The following TCL1A variants were observed in gnomAD, a reference collection of about 807,000 sequenced individuals.
TCL1A encodes the protein T-cell leukemia/lymphoma protein 1A.
A neutral mutation model predicts 16.9 loss-of-function variants in TCL1A; 9 were observed. The observed-to-expected ratio is 0.53, with a 90% CI of 0.32 to 0.93. The LOEUF is 0.93. TCL1A is among the 40% of genes least tolerant of loss of function. The pLI is 0.04. For synonymous variants in TCL1A, 69 were observed against 63.2 expected (o/e 1.09, Z -0.44); for missense variants, 139 against 153.0 (o/e 0.91, Z 0.48).
chr14:95,712,873 G>T, intron 1 of TCL1A: 1 of 336,564 alleles, frequency 3.0e-6, no homozygotes, highest in Non-Finnish European at 5.7e-6. Flanking sequence ...GTTTGCTAGT[G>T]GGTTATTTTT....
chr14:95,712,722 G>A (rs1886394864), intron 1 of TCL1A: 3 of 1,321,494 alleles, frequency 2.3e-6, no homozygotes, highest in African/African-American at 3.0e-5. Flanking sequence ...CAGGAGGATC[G>A]CTTGAGGCCA....
At chr14:95,713,756 T>C (rs542220767) in intron 1 of TCL1A, among the ~76,000 whole-genome samples, 191 bp downstream of exon 1, 1 of 152,228 alleles carries the variant, frequency 6.6e-6, no homozygotes, top group East Asian at 1.9e-4. Flanking sequence ...TCCTTTGCGG[T>C]TTTCCCACCC....
In TCL1A at chr14:95,714,079, C is replaced by A. The variant is rs755930947; in HGVS notation, c.-13G>T. 3 of 1,612,870 alleles carry A rather than the reference C, an allele frequency of 1.9e-6. No homozygotes were observed. The highest frequency in any genetic ancestry group is 2.5e-6 in the Non-Finnish European group (3 of 1,179,904). On this transcript the variant is annotated 5_prime_UTR_variant, in exon 1 of 4. Transcript: ENST00000402399. ...GGCACTCGGCCATGGCGTCCTCGGG[C>A]CGCCTAAGAAGCAAGAGCCAGAGCC...
At chr14:95,711,660 G>A in intron 3 of TCL1A, 89 bp downstream of exon 3, 1 of 1,478,384 alleles carries the variant, frequency 6.8e-7, no homozygotes, top group South Asian at 1.2e-5. Flanking sequence ...TCGGGGAGGG[G>A]TTAGCACTGC....
At chr14:95,713,297 T>C (rs1595067218) in intron 1 of TCL1A, among the ~76,000 whole-genome samples, 1 of 152,360 alleles carries the variant, frequency 6.6e-6, no homozygotes, top group Non-Finnish European at 1.5e-5. Flanking sequence ...TGGAGAGAGT[T>C]TGAACATTTT....
intron 3 of TCL1A, among the ~76,000 whole-genome samples, chr14:95,711,282 A>AC (rs1341845853): frequency 2.1e-5 from 3 of 143,274 alleles, no homozygotes; most frequent in Non-Finnish European, 4.5e-5. Context: ...ACACGGTGAA[A>AC]CCCCGTCTCT....
Position 95,711,798 on chromosome 14 carries a change from T to C in TCL1A, c.302A>G (p.Asp101Gly). The C allele has an allele frequency of 6.2e-7, 1 of 1,611,276 alleles. No homozygotes were observed. The highest frequency in any genetic ancestry group is 8.5e-7 in the Non-Finnish European group (1 of 1,179,948). The stretch of plus-strand genomic sequence containing the variant: ...CTCGAGAAGCATGTCCTCCACGCCG[T>C]CAATCTGAGAGGCAGAGAGAGAGAG... ...FWRLVYHIKI[D>G]GVEDMLLELL... Residue 101 changes from aspartate to glycine, a missense_variant, in exon 3 of 4, where the codon GAC becomes GGC. Asp to Gly is a moderately conservative substitution (Grantham distance 94). This residue lies in a region of TCL1A where 45 missense variants were observed against 72.8 expected (regional missense o/e 0.62). Coordinates refer to ENST00000402399, the MANE Select transcript of TCL1A (RefSeq NM_021966.3).
Position 95,712,351 on chromosome 14 carries a change from C to A in TCL1A, c.166G>T (p.Val56Phe), listed in dbSNP as rs17093294. Residue 56 changes from valine (V) to phenylalanine (F), a missense_variant, in exon 2 of 4, where the codon GTC becomes TTC. Physicochemically the swap from Val to Phe is conservative, Grantham distance 50 (BLOSUM62 -1). Transcript: ENST00000402399. Reference sequence around the variant, plus strand: ...GGGGTCATAGGCCTCCCCAGGACGACGTCTTCCCGACGCAAGAGCACCCGT... The same window carrying A: ...GGGGTCATAGGCCTCCCCAGGACGAAGTCTTCCCGACGCAAGAGCACCCGT... ...QLRVLLRREDVVLGRPMTPTQ... is the reference protein window; with the variant it reads ...QLRVLLRREDFVLGRPMTPTQ... The A allele has an allele frequency of 1.2e-6, 2 of 1,613,572 alleles. No homozygotes were observed. The highest frequency in any genetic ancestry group is 1.7e-6 in the Non-Finnish European group (2 of 1,179,620).
Position 95,711,733 on chromosome 14 carries a change from C to A in TCL1A, c.*6+16G>T. On this transcript the variant is annotated intron_variant, in intron 3 of 3. Coordinates refer to ENST00000402399, the MANE Select transcript of TCL1A (RefSeq NM_021966.3). ...CCACTGTGGACTAAGAGGGGTCAGGCTCCAGTGGAGCTCACCATACATCAG... is the reference window on the plus strand; with the variant it reads ...CCACTGTGGACTAAGAGGGGTCAGGATCCAGTGGAGCTCACCATACATCAG... 6.2e-7 allele frequency: 1 copy of A among 1,612,688 alleles called. No homozygotes were observed. The highest frequency in any genetic ancestry group is 8.5e-7 in the Non-Finnish European group (1 of 1,179,714).
rs768701940 is a variant in TCL1A at position 95,712,408 on chromosome 14, A to C, written c.121-12T>G. Reference sequence around the variant, plus strand: ...AACCTATCCTTTATCTGAGGAGAAGAAAAGGACAGGGCATACTTTCAGGTT... The same window carrying C: ...AACCTATCCTTTATCTGAGGAGAAGCAAAGGACAGGGCATACTTTCAGGTT... On this transcript the variant is annotated splice_polypyrimidine_tract_variant and intron_variant, in intron 1 of 3. Coordinates refer to ENST00000402399, the MANE Select transcript of TCL1A (RefSeq NM_021966.3). 3.8e-6 allele frequency: 6 copies of C among 1,592,356 alleles called. No homozygotes were observed. Among genetic ancestry groups the C allele is most frequent in the Non-Finnish European group, 5.1e-6 (6 of 1,165,782 alleles).
At chr14:95,713,648 T>C (rs573333443) in intron 1 of TCL1A, among the ~76,000 whole-genome samples, 2 of 152,322 alleles carry the variant, frequency 1.3e-5, no homozygotes, top group African/African-American at 4.8e-5. Flanking sequence ...GAGATACCCA[T>C]TTTTAAGGAT....
intron 1 of TCL1A, 88 bp downstream of exon 1, chr14:95,713,859 C>T (rs571174544): frequency 1.8e-5 from 29 of 1,569,806 alleles, no homozygotes; most frequent in East Asian, 6.7e-5. Flanking sequence ...ATAGTGAGTG[C>T]TCCTTGAGTC....
intron 1 of TCL1A, among the ~76,000 whole-genome samples, chr14:95,713,605 T>A (rs142526263): frequency 6.6e-6 from 1 of 152,262 alleles, no homozygotes. Context: ...CCTGAGATGA[T>A]TCCGATAATC....
At chr14:95,712,733 G>A (rs917501550) in intron 1 of TCL1A, 15 of 1,294,926 alleles carry the variant, frequency 1.2e-5, no homozygotes, top group Middle Eastern at 4.1e-4. Context: ...CTTGAGGCCA[G>A]GAGTTTAAGA....
chr14:95,714,037 T>G lies in TCL1A; in HGVS notation c.30A>C (p.Ala10=). Residue 10 remains alanine, a synonymous_variant, in exon 1 of 4, where the codon GCA becomes GCC. Coordinates refer to ENST00000402399, the MANE Select transcript of TCL1A (RefSeq NM_021966.3). The part of the protein sequence containing the change: MAECPTLGE[A]VTDHPDRLWA... ...ACAGGCGGTCCGGGTGGTCGGTGAC[T>G]GCCTCCCCGAGTGTCGGGCACTCGG... is the stretch of plus-strand genomic sequence containing the variant. 6.2e-7 allele frequency: 1 copy of G among 1,614,070 alleles called. No homozygotes were observed. The highest frequency in any genetic ancestry group is 8.5e-7 in the Non-Finnish European group (1 of 1,180,032).
Position 95,714,093 on chromosome 14 carries a change from A to G in TCL1A, c.-27T>C. On this transcript the variant is annotated 5_prime_UTR_variant, in exon 1 of 4. Coordinates refer to ENST00000402399, the MANE Select transcript of TCL1A (RefSeq NM_021966.3). ...GCGTCCTCGGGCCGCCTAAGAAGCA[A>G]GAGCCAGAGCCTCTCAAGGCCGCTC... 2 of 1,611,800 alleles carry G rather than the reference A, an allele frequency of 1.2e-6. No individual in the cohort carries two copies. Among genetic ancestry groups the G allele is most frequent in the Non-Finnish European group, 8.5e-7 (1 of 1,179,754 alleles).
Position 95,712,354 on chromosome 14 carries a change from C to A in TCL1A, c.163G>T (p.Asp55Tyr). The A allele has an allele frequency of 6.2e-7, 1 of 1,613,682 alleles. No homozygotes were observed. Among genetic ancestry groups the A allele is most frequent in the Non-Finnish European group, 8.5e-7 (1 of 1,179,660 alleles). ...LQLRVLLRREDVVLGRPMTPT... is the reference protein window; with the variant it reads ...LQLRVLLRREYVVLGRPMTPT... ...GTCATAGGCCTCCCCAGGACGACGTCTTCCCGACGCAAGAGCACCCGTAAC... is the reference window on the plus strand; with the variant it reads ...GTCATAGGCCTCCCCAGGACGACGTATTCCCGACGCAAGAGCACCCGTAAC... The change falls in exon 2 of 4, where the codon GAC becomes TAC. Residue 55 changes from aspartate (D) to tyrosine (Y), a missense_variant. Asp to Tyr is a radical substitution (Grantham distance 160). Coordinates refer to ENST00000402399, the MANE Select transcript of TCL1A (RefSeq NM_021966.3).
At chr14:95,713,237 T>C (rs1275269655) in intron 1 of TCL1A, among the ~76,000 whole-genome samples, 1 of 152,202 alleles carries the variant, frequency 6.6e-6, no homozygotes, top group Non-Finnish European at 1.5e-5. Flanking sequence ...CTACTGGACA[T>C]ACGTGTTCTA....
At chr14:95,712,791 AAAC>A (rs931201747) in intron 1 of TCL1A, 2 of 755,154 alleles carry the variant, frequency 2.6e-6, no homozygotes, top group Admixed American at 2.9e-5. Context: ...GAAAAAAAAA[AAAC>A]AACAAAGAAA....
Sources: allele counts gnomAD v4.1 joint callset (sites outside exome capture counted in the v4.1 genomes callset), GRCh38; gene constraint gnomAD v4.1.1; regional missense constraint gnomAD v4.1.1; transcripts MANE v1.5; gene names NCBI Gene and HGNC (gene_info 2026-07-23, HGNC 2026-07-21).